Variants in RIMS2 observed in about 807,000 individuals in gnomAD.
The protein encoded by RIMS2 is regulating synaptic membrane exocytosis 2.
In RIMS2, 59 loss-of-function variants were observed where a neutral mutation model predicts 174.4. That is an observed-to-expected ratio of 0.34 (90% CI 0.27 to 0.42). RIMS2 has a LOEUF of 0.42. Ranked by LOEUF, RIMS2 falls within the 10% of genes least tolerant of loss-of-function variation. The pLI is 1.00. For missense variants in RIMS2, 1,620 were observed against 1,666.3 expected (o/e 0.97, Z 0.48); for synonymous variants, 606 against 572.5 (o/e 1.06, Z -0.84).
At chr8:103,834,335 T>TTC (rs1554866365) in intron 3 of RIMS2, among the ~76,000 whole-genome samples, 1 of 113,088 alleles carries the variant, frequency 8.8e-6, no homozygotes, top group Non-Finnish European at 2.0e-5. Flanking sequence ...TCTTTTTCTT[T>TTC]TTTTTTTTTT....
At chr8:103,856,954 A>G (rs1371081557) in intron 3 of RIMS2, among the ~76,000 whole-genome samples, 1 of 152,052 alleles carries the variant, frequency 6.6e-6, no homozygotes, top group Non-Finnish European at 1.5e-5. Context: ...CTACAGATGC[A>G]CAACTCAGTT....
chr8:103,511,931 G>A (rs922068575), intron 1 of RIMS2, among the ~76,000 whole-genome samples: 3 of 152,180 alleles, frequency 2.0e-5, no homozygotes, highest in African/African-American at 7.2e-5. Flanking sequence ...ATTGGAGGAT[G>A]TGATTGTGGC....
chr8:104,062,900 AAATT>A (rs979658238), intron 19 of RIMS2, among the ~76,000 whole-genome samples: 110 of 152,146 alleles, frequency 7.2e-4, no homozygotes, highest in African/African-American at 2.1e-3. Context: ...TCAATGGTTT[AAATT>A]AATTAACTTT....
chr8:103,900,754 T>C (rs547698246), intron 4 of RIMS2, among the ~76,000 whole-genome samples: 10 of 152,276 alleles, frequency 6.6e-5, no homozygotes, highest in African/African-American at 2.4e-4. Flanking sequence ...AACAGCTGAA[T>C]TCACTTTCCA....
intron 19 of RIMS2, among the ~76,000 whole-genome samples, chr8:104,143,367 T>C (rs920819404): frequency 2.0e-5 from 3 of 152,232 alleles, no homozygotes; most frequent in African/African-American, 7.2e-5. Flanking sequence ...AGGAGAACTT[T>C]AGACAGAAGC....
At chr8:103,952,343 C>T (rs1423461573) in intron 14 of RIMS2, among the ~76,000 whole-genome samples, 1 of 152,186 alleles carries the variant, frequency 6.6e-6, no homozygotes, top group Non-Finnish European at 1.5e-5. Context: ...AGCTGACAGA[C>T]ACCTCATACA....
chr8:103,589,115 C>T (rs1352426917), intron 1 of RIMS2, among the ~76,000 whole-genome samples: 1 of 151,604 alleles, frequency 6.6e-6, no homozygotes, highest in Non-Finnish European at 1.5e-5. Flanking sequence ...GGCAAATTAT[C>T]CTTGTTTGCA....
rs75782871 is a variant in RIMS2, at chr8:103,692,130, C to T, written c.177-4956C>T. Among the ~76,000 whole-genome samples, 940 of 152,258 alleles carry T rather than the reference C, an allele frequency of 6.2e-3. 12 individuals are homozygous for T. The highest frequency in any genetic ancestry group is 0.021 in the African/African-American group (890 of 41,546). ...ACACAAGTACCCCTGTGGCCACTAC[C>T]AATGAGACTGCGCTGGGTCAGACCT... On this transcript the variant is annotated intron_variant, in intron 1 of 23. Coordinates refer to ENST00000504942, the Ensembl canonical transcript of RIMS2.
At chr8:103,651,896 T>C (rs2096459076) in intron 1 of RIMS2, among the ~76,000 whole-genome samples, 1 of 152,162 alleles carries the variant, frequency 6.6e-6, no homozygotes, top group African/African-American at 2.4e-5. Flanking sequence ...TTGTGTTTAA[T>C]ATAGTATGTT....
intron 1 of RIMS2, among the ~76,000 whole-genome samples, chr8:103,607,495 T>G (rs575901743): frequency 3.3e-5 from 5 of 151,246 alleles, no homozygotes; most frequent in South Asian, 2.1e-4. Context: ...TTGCTCTTCT[T>G]GAGGAGTATC....
chr8:103,606,581 G>C (rs1006696853), intron 1 of RIMS2, among the ~76,000 whole-genome samples: 3 of 152,094 alleles, frequency 2.0e-5, no homozygotes, highest in African/African-American at 4.8e-5. Flanking sequence ...TCATTGATCT[G>C]TCTAATATTG....
intron 11 of RIMS2, among the ~76,000 whole-genome samples, chr8:103,928,519 T>G (rs1474190775): frequency 6.6e-6 from 1 of 151,500 alleles, no homozygotes. Context: ...TGTTTGCCTC[T>G]TTTCATTAGG....
At chr8:103,679,291 A>G (rs1343863384) in intron 1 of RIMS2, among the ~76,000 whole-genome samples, 2 of 152,018 alleles carry the variant, frequency 1.3e-5, no homozygotes, top group African/African-American at 2.4e-5. Flanking sequence ...TGAACTACAG[A>G]GAACTGCTTG....
chr8:103,682,028 T>A (rs1316507911), intron 1 of RIMS2, among the ~76,000 whole-genome samples: 1 of 152,030 alleles, frequency 6.6e-6, no homozygotes, highest in East Asian at 1.9e-4. Flanking sequence ...AATTCCAGAT[T>A]TCAGGCCTGT....
intron 1 of RIMS2, among the ~76,000 whole-genome samples, chr8:103,577,114 G>T (rs889231408): frequency 6.6e-6 from 1 of 151,996 alleles, no homozygotes; most frequent in African/African-American, 2.4e-5. Flanking sequence ...ACAGCAGAAG[G>T]AACTATCATC....
intron 4 of RIMS2, among the ~76,000 whole-genome samples, chr8:103,896,603 G>A (rs1271904039): frequency 2.6e-5 from 4 of 151,586 alleles, no homozygotes; most frequent in Non-Finnish European, 5.9e-5. Flanking sequence ...GCATGATTTT[G>A]TGAGTTTGGA....
At chr8:104,219,802 C>A (rs1240783658) in intron 19 of RIMS2, among the ~76,000 whole-genome samples, 12 of 151,992 alleles carry the variant, frequency 7.9e-5, no homozygotes, top group Non-Finnish European at 1.6e-4. Flanking sequence ...TATATAGTAG[C>A]CCATTACTTG....
chr8:103,579,014 A>G (rs1336626056), intron 1 of RIMS2, among the ~76,000 whole-genome samples: 1 of 151,880 alleles, frequency 6.6e-6, no homozygotes, highest in Non-Finnish European at 1.5e-5. Flanking sequence ...AGAATATTGT[A>G]TTTAGCAAAA....
At chr8:103,677,731 A>G (rs1273817233) in intron 1 of RIMS2, among the ~76,000 whole-genome samples, 1 of 152,158 alleles carries the variant, frequency 6.6e-6, no homozygotes, top group Non-Finnish European at 1.5e-5. Context: ...GCAAAGAATG[A>G]TTTGTGACTC....
Sources: allele counts gnomAD v4.1 joint callset (sites outside exome capture counted in the v4.1 genomes callset), GRCh38; gene constraint gnomAD v4.1.1; transcripts MANE v1.5; gene names NCBI Gene and HGNC (gene_info 2026-07-23, HGNC 2026-07-21).